Variants in ANAPC4 observed in about 807,000 individuals in gnomAD.
The protein encoded by ANAPC4 is anaphase promoting complex subunit 4.
A neutral mutation model predicts 119.8 loss-of-function variants in ANAPC4; 63 were observed. The observed-to-expected ratio is 0.53, with a 90% CI of 0.43 to 0.65. The LOEUF (loss-of-function observed/expected upper bound fraction) is 0.65. Ranked by LOEUF, ANAPC4 falls within the 30% of genes least tolerant of loss-of-function variation. ANAPC4 has a pLI of 0.00. For missense variants in ANAPC4, 716 were observed against 945.1 expected (o/e 0.76, Z 3.18); for synonymous variants, 283 against 318.6 (o/e 0.89, Z 1.19).
At chr4:25,416,247 AATC>A in intron 26 of ANAPC4, 175 bp from the exon 27 acceptor site, 1 of 419,224 alleles carries the variant, frequency 2.4e-6, no homozygotes, top group South Asian at 7.3e-5. Context: ...ATATGTGAAT[AATC>A]AGTACAAAAA....
chr4:25,380,540 C>T (rs1721657736), intron 3 of ANAPC4, 61 bp downstream of exon 3: 2 of 1,232,696 alleles, frequency 1.6e-6, no homozygotes, highest in South Asian at 1.6e-5. Flanking sequence ...TCTGTAAAGC[C>T]CATTTTCAGA....
intron 4 of ANAPC4, among the ~76,000 whole-genome samples, chr4:25,384,143 TAAATTCCATCTC>T (rs1368828910): frequency 6.6e-6 from 1 of 152,220 alleles, no homozygotes; most frequent in Non-Finnish European, 1.5e-5. Flanking sequence ...TTACCAGGAC[TAAATTCCATCTC>T]AACAAAGCAC....
Position 25,394,810 on chromosome 4 carries a change from A to C in ANAPC4, c.985-19A>C. 3.1e-6 allele frequency: 5 copies of C among 1,606,934 alleles called. No individual in the cohort carries two copies. Among genetic ancestry groups the C allele is most frequent in the Non-Finnish European group, 4.2e-6 (5 of 1,177,034 alleles). On this transcript the variant is annotated intron_variant, in intron 13 of 28. Coordinates refer to ENST00000315368, the MANE Select transcript of ANAPC4 (RefSeq NM_013367.3). ...AATATCCTGATTGTATGCTAAATAT[A>C]TTTTCCTTTTTTAATTAGGGCTTGA...
chr4:25,402,507 A>G (rs16877118), intron 16 of ANAPC4, among the ~76,000 whole-genome samples: 2,357 of 152,316 alleles, frequency 0.015, 65 homozygotes, highest in African/African-American at 0.053. Context: ...TTCCAAAAAT[A>G]ATGGTCCATT....
chr4:25,389,139 C>G (rs561867103), intron 7 of ANAPC4, among the ~76,000 whole-genome samples: 6 of 150,712 alleles, frequency 4.0e-5, no homozygotes, highest in Non-Finnish European at 7.4e-5. Context: ...ACTACAGGCA[C>G]GCGCCACCAC....
At chr4:25,393,576 C>A (rs60419880) in intron 10 of ANAPC4, among the ~76,000 whole-genome samples, 1 of 152,092 alleles carries the variant, frequency 6.6e-6, no homozygotes, top group Admixed American at 6.5e-5. Context: ...GCAGGAGAAT[C>A]GCTTGAACCT....
intron 19 of ANAPC4, 119 bp from the exon 20 acceptor site, chr4:25,407,077 TA>T: frequency 1.1e-6 from 1 of 940,550 alleles, no homozygotes; most frequent in Non-Finnish European, 1.6e-6. Context: ...TTATAATCTA[TA>T]AAAGAAAATA....
Position 25,409,696 on chromosome 4 carries a change from A to C in ANAPC4, c.1432-2A>C. On this transcript the variant is annotated splice_acceptor_variant, in intron 20 of 28. Transcript: ENST00000315368. LOFTEE classifies it high-confidence loss of function. ...CTTAAATTTCTAATTCTGTATTTCTAGTACTTGAAAGATGAAGATGATGAT... is the reference window on the plus strand; with the variant it reads ...CTTAAATTTCTAATTCTGTATTTCTCGTACTTGAAAGATGAAGATGATGAT... The C allele has an allele frequency of 6.3e-7, 1 of 1,597,214 alleles. No homozygotes were observed. The highest frequency in any genetic ancestry group is 8.6e-7 in the Non-Finnish European group (1 of 1,166,470).
At position 25,379,425 on chromosome 4, in the gene ANAPC4, G is replaced by A. The variant is rs138570788; in HGVS notation, c.130-949G>A. On this transcript the variant is annotated intron_variant, in intron 2 of 28. Transcript: ENST00000315368. ...ATGGTCTGATTGCATGTGATTCAAAGTTAGGAGATTTACAAGAAGAGAAGA... is the reference window on the plus strand; with the variant it reads ...ATGGTCTGATTGCATGTGATTCAAAATTAGGAGATTTACAAGAAGAGAAGA... Among the ~76,000 whole-genome samples, 9 of 152,264 alleles carry A rather than the reference G, an allele frequency of 5.9e-5. No homozygotes were observed. The East Asian group carries it at 7.7e-4, about 13-fold the overall frequency.
At chr4:25,408,442 C>A (rs1240092492) in intron 20 of ANAPC4, among the ~76,000 whole-genome samples, 2 of 151,542 alleles carry the variant, frequency 1.3e-5, no homozygotes, top group African/African-American at 4.9e-5. Flanking sequence ...AAACTATAAG[C>A]TAGATTTCAT....
At chr4:25,389,756 A>C (rs1722239956) in intron 7 of ANAPC4, among the ~76,000 whole-genome samples, 1 of 152,222 alleles carries the variant, frequency 6.6e-6, no homozygotes, top group African/African-American at 2.4e-5. Flanking sequence ...TAAAATTTTA[A>C]GTATTCATGT....
intron 19 of ANAPC4, 140 bp from the exon 20 acceptor site, chr4:25,407,056 GT>G (rs1321279903): frequency 7.8e-6 from 7 of 899,066 alleles, no homozygotes; most frequent in African/African-American, 5.1e-5. Context: ...CCAGACTTTT[GT>G]TTGTGTGTCT....
At chr4:25,415,561 G>A (rs956917086) in intron 26 of ANAPC4, 21 bp downstream of exon 26, 2 of 1,597,726 alleles carry the variant, frequency 1.3e-6, no homozygotes. Context: ...AATCTTGTTT[G>A]GATGAAATGT....
At chr4:25,393,472 G>A (rs1187240237) in intron 10 of ANAPC4, among the ~76,000 whole-genome samples, 1 of 152,026 alleles carries the variant, frequency 6.6e-6, no homozygotes, top group East Asian at 1.9e-4. Context: ...GACCAGCCTG[G>A]CCAACATGGT....
At chr4:25,389,193 T>C (rs1200868548) in intron 7 of ANAPC4, among the ~76,000 whole-genome samples, 1 of 140,076 alleles carries the variant, frequency 7.1e-6, no homozygotes, top group Non-Finnish European at 1.5e-5. Context: ...GGAGTCTCGC[T>C]CTGTTGCCAG....
intron 16 of ANAPC4, among the ~76,000 whole-genome samples, chr4:25,397,161 C>T (rs1458366456): frequency 1.3e-5 from 2 of 152,160 alleles, no homozygotes; most frequent in African/African-American, 4.8e-5. Flanking sequence ...ATTTTTAGTT[C>T]TTCTATGGGT....
Position 25,414,587 on chromosome 4 carries a change from T to A in ANAPC4, c.1725-12T>A. 3 of 1,552,610 alleles carry A rather than the reference T, an allele frequency of 1.9e-6. No individual in the cohort carries two copies. The highest frequency in any genetic ancestry group is 2.4e-5 in the South Asian group (2 of 83,886). Reference sequence around the variant, plus strand: ...AATAGTTAAAAAATATTATGACAATTTTTTTTCTTAGGTGGAATAATAAAA... The same window carrying A: ...AATAGTTAAAAAATATTATGACAATATTTTTTCTTAGGTGGAATAATAAAA... On this transcript the variant is annotated splice_polypyrimidine_tract_variant and intron_variant, in intron 24 of 28. Transcript: ENST00000315368.
intron 16 of ANAPC4, among the ~76,000 whole-genome samples, chr4:25,401,597 T>G (rs887179774): frequency 2.0e-5 from 3 of 152,230 alleles, no homozygotes; most frequent in Non-Finnish European, 2.9e-5. Flanking sequence ...AGGCGGAGGC[T>G]CCTTCCCAGC....
intron 20 of ANAPC4, 38 bp from the exon 21 acceptor site, chr4:25,409,660 G>A (rs534374562): frequency 3.8e-5 from 55 of 1,456,704 alleles, no homozygotes; most frequent in Non-Finnish European, 4.7e-5. Context: ...TCCCTTCCAG[G>A]TATGAATAAA....
Sources: gnomAD v4.1 joint callset for allele counts (sites outside exome capture counted in the v4.1 genomes callset) on GRCh38, gnomAD v4.1.1 for gene constraint, MANE v1.5 for transcripts, NCBI Gene and HGNC (gene_info 2026-07-23, HGNC 2026-07-21) for gene names.